DCDC1: variants seen among roughly 807,000 people sequenced by gnomAD.
The protein encoded by DCDC1 is doublecortin domain-containing protein 1.
A neutral mutation model predicts 178.3 loss-of-function variants in DCDC1; 200 were observed. The ratio of observed to expected loss-of-function variants is 1.12; its 90% CI spans 1.00 to 1.26. The LOEUF (loss-of-function observed/expected upper bound fraction) is 1.26, where lower values mean the gene tolerates loss of function less well. Ranked by LOEUF, DCDC1 falls within the 50% of genes most tolerant of loss-of-function variation. The pLI is 0.00. For missense variants in DCDC1, 1,983 were observed against 1,749.2 expected (o/e 1.13, Z -2.38); for synonymous variants, 690 against 604.8 (o/e 1.14, Z -2.07).
intron 34 of DCDC1, among the ~76,000 whole-genome samples, chr11:30,896,059 GA>G (rs1944184795): frequency 6.6e-6 from 1 of 152,120 alleles, no homozygotes; most frequent in African/African-American, 2.4e-5. Context: ...TTAAGAAAAT[GA>G]ATGCACTTGC....
At chr11:31,256,686 C>A (rs1401866803) in intron 8 of DCDC1, among the ~76,000 whole-genome samples, 1 of 152,114 alleles carries the variant, frequency 6.6e-6, no homozygotes, top group Non-Finnish European at 1.5e-5. Context: ...GTTGAATATA[C>A]AGCTTTGTAG....
chr11:31,202,542 G>A (rs752244493), intron 9 of DCDC1, among the ~76,000 whole-genome samples: 17 of 152,152 alleles, frequency 1.1e-4, no homozygotes, highest in Non-Finnish European at 2.1e-4. Context: ...TTACACACCA[G>A]CCTAGGCATC....
rs192428859 is a variant in DCDC1, at chr11:31,040,911, C to G, written c.2591+23558G>C. ...CTCTGGGGTTGATGTGGTGAAGCAC[C>G]AAGGCATCATATGTATTCATCTGCA... On this transcript the variant is annotated intron_variant, in intron 20 of 38. Transcript: ENST00000684477. 1.6e-4 allele frequency among the ~76,000 whole-genome samples: 24 copies of G among 152,202 alleles called. 1 individual carries two copies. Among genetic ancestry groups the G allele is most frequent in the Admixed American group, 1.6e-3 (24 of 15,282 alleles).
chr11:30,959,291 T>G (rs1236404168), intron 20 of DCDC1, among the ~76,000 whole-genome samples: 2 of 152,064 alleles, frequency 1.3e-5, no homozygotes, highest in African/African-American at 4.8e-5. Flanking sequence ...ATAGGGATAT[T>G]GTTAGAGGTG....
intron 11 of DCDC1, among the ~76,000 whole-genome samples, chr11:31,116,116 C>A (rs914754533): frequency 1.3e-5 from 2 of 151,022 alleles, no homozygotes; most frequent in Non-Finnish European, 1.5e-5. Context: ...CTCAAAACAA[C>A]TGGATTTTAC....
chr11:31,359,407 G>A (rs1294470849), intron 1 of DCDC1, among the ~76,000 whole-genome samples: 1 of 143,334 alleles, frequency 7.0e-6, no homozygotes, highest in Non-Finnish European at 1.5e-5. Flanking sequence ...ACACAGGAAG[G>A]GGAACATCAC....
intron 20 of DCDC1, among the ~76,000 whole-genome samples, chr11:30,964,676 T>C (rs540829933): frequency 2.0e-5 from 3 of 152,264 alleles, no homozygotes; most frequent in Middle Eastern, 3.4e-3. Context: ...TTTTATAGCA[T>C]AATCATAGAC....
chr11:31,032,524 A>G (rs1953717761), intron 20 of DCDC1, among the ~76,000 whole-genome samples: 1 of 152,094 alleles, frequency 6.6e-6, no homozygotes, highest in African/African-American at 2.4e-5. Context: ...ATTGTATTAT[A>G]CAATTATGAT....
At chr11:31,037,808 C>T (rs913697934) in intron 20 of DCDC1, among the ~76,000 whole-genome samples, 2 of 152,090 alleles carry the variant, frequency 1.3e-5, no homozygotes, top group Admixed American at 6.5e-5. Flanking sequence ...TTCTAACTTT[C>T]ATTTTATCTC....
At chr11:31,312,517 G>T (rs1206294857) in intron 3 of DCDC1, among the ~76,000 whole-genome samples, 1 of 152,116 alleles carries the variant, frequency 6.6e-6, no homozygotes, top group Non-Finnish European at 1.5e-5. Context: ...TGAACTGGTG[G>T]ACCAAGTAAA....
chr11:31,359,864 G>C (rs1703648905), intron 1 of DCDC1, among the ~76,000 whole-genome samples: 1 of 152,132 alleles, frequency 6.6e-6, no homozygotes, highest in Non-Finnish European at 1.5e-5. Context: ...GAGCTAAGGT[G>C]GTATGGCAGA....
chr11:31,292,532 T>C (rs1171403731), intron 6 of DCDC1, among the ~76,000 whole-genome samples: 2 of 152,168 alleles, frequency 1.3e-5, no homozygotes, highest in Non-Finnish European at 2.9e-5. Flanking sequence ...ACATATTGTA[T>C]GATTCCATTT....
chr11:31,213,048 G>C (rs1278219113), intron 9 of DCDC1, among the ~76,000 whole-genome samples: 9 of 144,720 alleles, frequency 6.2e-5, no homozygotes, highest in African/African-American at 1.0e-4. Flanking sequence ...AGATGATCCA[G>C]ACATAGACAT....
Position 30,900,456 on chromosome 11 carries a change from G to C in DCDC1, c.4553C>G (p.Ser1518Cys). 6.4e-7 allele frequency: 1 copy of C among 1,551,838 alleles called. No individual in the cohort carries two copies. The highest frequency in any genetic ancestry group is 8.7e-7 in the Non-Finnish European group (1 of 1,147,214). Residue 1518 changes from serine to cysteine, a missense_variant, in exon 33 of 39, where the codon TCT (serine) becomes TGT (cysteine). Transcript: ENST00000684477. Reference sequence around the variant, plus strand: ...ACCATCCAAACTATCGGATGTCACAGATTTTGCAAATAATCTGTTTTTCAC... The same window carrying C: ...ACCATCCAAACTATCGGATGTCACACATTTTGCAAATAATCTGTTTTTCAC... ...MKVKNRLFAK[S>C]VTSDSLDGID...
intron 20 of DCDC1, among the ~76,000 whole-genome samples, chr11:30,995,815 A>G (rs1281406192): frequency 6.6e-6 from 1 of 152,182 alleles, no homozygotes; most frequent in African/African-American, 2.4e-5. Context: ...CAAAATATAA[A>G]ACTCTTAAAA....
chr11:31,219,524 T>C (rs942046624), intron 9 of DCDC1, among the ~76,000 whole-genome samples: 1 of 152,144 alleles, frequency 6.6e-6, no homozygotes, highest in African/African-American at 2.4e-5. Context: ...ATATGATATT[T>C]AGTGCATTCA....
intron 21 of DCDC1, among the ~76,000 whole-genome samples, chr11:30,945,750 GTCTGTCTGTCTA>G (rs1565108628): frequency 2.4e-5 from 3 of 124,212 alleles, no homozygotes; most frequent in African/African-American, 1.3e-4. Flanking sequence ...CTATCTATCT[GTCTGTCTGTCTA>G]TCTATCTATA....
chr11:31,120,600 C>T (rs1428879393), intron 11 of DCDC1, among the ~76,000 whole-genome samples: 1 of 152,160 alleles, frequency 6.6e-6, no homozygotes, highest in African/African-American at 2.4e-5. Context: ...CTAGGTCCCA[C>T]AGAAACTGGA....
intron 27 of DCDC1, among the ~76,000 whole-genome samples, chr11:30,914,923 G>T (rs1481559046): frequency 6.6e-6 from 1 of 152,044 alleles, no homozygotes; most frequent in Non-Finnish European, 1.5e-5. Flanking sequence ...TAGCCAAGCT[G>T]TTTTATATTT....
Sources: allele counts gnomAD v4.1 joint callset (sites outside exome capture counted in the v4.1 genomes callset), GRCh38; gene constraint gnomAD v4.1.1; transcripts MANE v1.5; gene names NCBI Gene and HGNC (gene_info 2026-07-23, HGNC 2026-07-21).